ANO4: variants seen among roughly 807,000 people sequenced by gnomAD.
ANO4 encodes anoctamin-4.
A neutral mutation model predicts 141.9 loss-of-function variants in ANO4; 69 were observed. The ratio of observed to expected loss-of-function variants is 0.49; its 90% confidence interval spans 0.40 to 0.59. ANO4 has a LOEUF of 0.59. Among genes scored for constraint, ANO4 ranks in the 20% least tolerant of loss-of-function variants. The probability of loss-of-function intolerance (pLI) is 0.00; values close to 1 mark genes in which losing one functional copy is unlikely to be tolerated. For missense variants in ANO4, 894 were observed against 1,162.2 expected (o/e 0.77, Z 3.36); for synonymous variants, 350 against 394.3 (o/e 0.89, Z 1.33).
chr12:100,796,036 A>ATTTTTTT, intron 1 of ANO4, among the ~76,000 whole-genome samples: 1 of 141,584 alleles, frequency 7.1e-6, no homozygotes. Context: ...CTTAACAGGG[A>ATTTTTTT]TTTTTTTTTT....
At chr12:100,766,653 C>G (rs962409125) in intron 3 of ANO4, among the ~76,000 whole-genome samples, 8 of 152,074 alleles carry the variant, frequency 5.3e-5, no homozygotes, top group Admixed American at 5.2e-4. Flanking sequence ...TACTTTATGG[C>G]CTAATATGTG....
chr12:101,099,323 T>C (rs973848621), intron 21 of ANO4, among the ~76,000 whole-genome samples: 9 of 152,176 alleles, frequency 5.9e-5, no homozygotes, highest in African/African-American at 1.9e-4. Flanking sequence ...TCAACCCTCA[T>C]AGGCAATGCC....
At position 100,915,118 on chromosome 12, in the gene ANO4, G is replaced by A. The variant is rs1277732635; in HGVS notation, c.56-7108G>A. 2.0e-5 allele frequency among the ~76,000 whole-genome samples: 3 copies of A among 152,148 alleles called. No homozygotes were observed. In the East Asian group the frequency reaches 5.8e-4, roughly 29 times the overall value. On this transcript the variant is annotated intron_variant, in intron 2 of 27. Coordinates refer to ENST00000392977, the MANE Select transcript of ANO4 (RefSeq NM_001286615.2). ...TTACAGGTGTGAGCCACCACACCCA[G>A]CCTTCCCTTCTTTCTTAACACCATT...
chr12:100,737,938 AT>A (rs1011377297), intron 2 of ANO4, among the ~76,000 whole-genome samples: 2 of 152,132 alleles, frequency 1.3e-5, no homozygotes, highest in Non-Finnish European at 2.9e-5. Context: ...AGATGAACCT[AT>A]GTCTTGCCCA....
chr12:100,899,641 C>T (rs2040497571), intron 1 of ANO4, among the ~76,000 whole-genome samples: 1 of 152,084 alleles, frequency 6.6e-6, no homozygotes, highest in Admixed American at 6.5e-5. Flanking sequence ...ACAAATTGGC[C>T]CAGGTCATAT....
At chr12:100,930,300 G>A (rs2042037796) in intron 3 of ANO4, among the ~76,000 whole-genome samples, 1 of 152,022 alleles carries the variant, frequency 6.6e-6, no homozygotes, top group Non-Finnish European at 1.5e-5. Flanking sequence ...CCTTTTAGAA[G>A]TTTCTTAGTG....
In ANO4 at chr12:101,094,285, G is replaced by C; in HGVS notation, c.1731G>C (p.Thr577=). 6.2e-7 allele frequency: 1 copy of C among 1,609,766 alleles called. No homozygotes were observed. Among genetic ancestry groups the C allele is most frequent in the Non-Finnish European group, 8.5e-7 (1 of 1,176,472 alleles). ...VLYEKVALLL[T]NLEQPRTESE... ...ATGAAAAAGTTGCCCTGCTTCTGAC[G>C]AATTTAGGTGAGTGGAATCCTTTCT... Residue 577 remains threonine (T), a synonymous_variant, in exon 18 of 28, where the codon ACG becomes ACC. Transcript: ENST00000392977.
At chr12:100,969,484 T>C (rs1458143654) in intron 5 of ANO4, among the ~76,000 whole-genome samples, 1 of 152,246 alleles carries the variant, frequency 6.6e-6, no homozygotes, top group Non-Finnish European at 1.5e-5. Context: ...TTGATTTTCA[T>C]AATATCTTGA....
chr12:100,776,277 G>T (rs1023962485), intron 3 of ANO4, among the ~76,000 whole-genome samples: 1 of 152,182 alleles, frequency 6.6e-6, no homozygotes, highest in Non-Finnish European at 1.5e-5. Context: ...AGGTTCCCCA[G>T]CCTGATCTGG....
At chr12:100,985,201 A>G (rs1245899477) in intron 7 of ANO4, among the ~76,000 whole-genome samples, 1 of 152,236 alleles carries the variant, frequency 6.6e-6, no homozygotes, top group Non-Finnish European at 1.5e-5. Context: ...AGTCTAATTT[A>G]TGTGTCCATA....
chr12:100,776,758 A>C (rs1237804774), intron 3 of ANO4, among the ~76,000 whole-genome samples: 1 of 152,206 alleles, frequency 6.6e-6, no homozygotes, highest in Non-Finnish European at 1.5e-5. Context: ...TACTAAGCCA[A>C]CAAGAGGAAA....
At chr12:100,879,923 T>C (rs115188736) in intron 1 of ANO4, among the ~76,000 whole-genome samples, 2,647 of 152,268 alleles carry the variant, frequency 0.017, 76 homozygotes, top group African/African-American at 0.06. Context: ...CCTCATCTGC[T>C]CGGGAGTTGG....
rs1485078425 is a variant in ANO4 at position 101,043,602 on chromosome 12, C to A, written c.1218C>A (p.Phe406Leu). The A allele has an allele frequency of 1.9e-6, 3 of 1,613,490 alleles. No individual in the cohort carries two copies. In the Admixed American group the frequency reaches 5.0e-5, roughly 27 times the overall value. Residue 406 changes from phenylalanine to leucine, a missense_variant, in exon 13 of 28, where the codon TTC becomes TTA. Around this residue, in one of 2 missense-constraint regions of ANO4, gnomAD observed 637 missense variants for 909.2 expected, o/e 0.70. Transcript: ENST00000392977. ...MCPVCDKYCP[F>L]MRLSDSCVYA... The stretch of plus-strand genomic sequence containing the variant: ...CTGTGTGTGATAAATACTGTCCATT[C>A]ATGAGGCTGTCAGACAGCTGTGTAT...
At chr12:100,837,820 A>G (rs940491499) in intron 1 of ANO4, among the ~76,000 whole-genome samples, 2 of 151,948 alleles carry the variant, frequency 1.3e-5, no homozygotes, top group African/African-American at 4.8e-5. Flanking sequence ...ACATAAAGGT[A>G]GAGCTTCAAC....
Position 100,806,523 on chromosome 12 carries a change from C to CTTTTTTTTTTTTTTTTTTTTT in ANO4, c.-141+11496_-141+11497insTTTTTTTTTTTTTTTTTTTTT, listed in dbSNP as rs1593379234. 1.1e-3 allele frequency among the ~76,000 whole-genome samples: 49 copies of CTTTTTTTTTTTTTTTTTTTTT among 44,964 alleles called. 13 individuals carry two copies. The highest frequency in any genetic ancestry group is 2.0e-3 in the African/African-American group (28 of 13,672). 29.5% of individuals were successfully genotyped at this position (44,964 alleles called of 152,430 possible). On this transcript the variant is annotated intron_variant, in intron 1 of 27. Coordinates refer to ENST00000392977, the MANE Select transcript of ANO4 (RefSeq NM_001286615.2). ...TTTTTAGGAGGTTTTTTTTTTGTTT[C>CTTTTTTTTTTTTTTTTTTTTT]GTTTTTTTTTTTTTTTTTTTTTTTT...
At chr12:100,909,644 T>A (rs1444417154) in intron 2 of ANO4, among the ~76,000 whole-genome samples, 2 of 152,198 alleles carry the variant, frequency 1.3e-5, no homozygotes, top group Admixed American at 1.3e-4. Context: ...GTCTACCAAT[T>A]TGACTTTGAA....
At chr12:100,945,362 T>C (rs2042681425) in intron 5 of ANO4, among the ~76,000 whole-genome samples, 1 of 152,222 alleles carries the variant, frequency 6.6e-6, no homozygotes, top group South Asian at 2.1e-4. Context: ...AACACATAAG[T>C]GCTTGCTTTG....
intron 9 of ANO4, among the ~76,000 whole-genome samples, chr12:101,021,155 G>A (rs2046506681): frequency 6.6e-6 from 1 of 152,124 alleles, no homozygotes; most frequent in South Asian, 2.1e-4. Context: ...AGTTTGCTGG[G>A]GGCTCTAGAA....
chr12:100,806,078 A>G (rs950468130), intron 1 of ANO4, among the ~76,000 whole-genome samples: 3 of 152,204 alleles, frequency 2.0e-5, no homozygotes, highest in African/African-American at 4.8e-5. Flanking sequence ...TAGACAGGCT[A>G]CAGCTTGCAG....
Sources: allele counts gnomAD v4.1 joint callset (sites outside exome capture counted in the v4.1 genomes callset), GRCh38; gene constraint gnomAD v4.1.1; regional missense constraint gnomAD v4.1.1; transcripts MANE v1.5; gene names NCBI Gene and HGNC (gene_info 2026-07-23, HGNC 2026-07-21).